Variants in RBFOX1 observed in about 807,000 individuals in gnomAD.
The protein encoded by RBFOX1 is RNA binding protein fox-1 homolog 1.
In RBFOX1, 8 loss-of-function variants were observed where a neutral mutation model predicts 57.7. The observed-to-expected ratio is 0.14, with a 90% confidence interval of 0.08 to 0.25. RBFOX1 has a LOEUF of 0.25. Ranked by LOEUF, RBFOX1 falls within the 10% of genes least tolerant of loss-of-function variation. The pLI, the probability that RBFOX1 is intolerant of heterozygous loss-of-function variation, is 1.00. For missense variants in RBFOX1, 611 were observed against 548.5 expected, an observed-to-expected ratio of 1.11 and a Z score of -1.14; for synonymous variants, 326 against 222.4, an observed-to-expected ratio of 1.47 and a Z score of -4.15.
At position 7,711,440 on chromosome 16, in the gene RBFOX1, C is replaced by T. The variant is rs1032491341; in HGVS notation, c.*695C>T. 2 of 152,186 alleles carry T rather than the reference C, an allele frequency of 1.3e-5. No individual in the cohort carries two copies. Among genetic ancestry groups the T allele is most frequent in the African/African-American group, 4.8e-5 (2 of 41,296 alleles). 9.4% of individuals were successfully genotyped at this position (152,186 alleles called of 1,614,324 possible). On this transcript the variant is annotated 3_prime_UTR_variant, in exon 16 of 16. Transcript: ENST00000550418. ...GGCAGTATTCAGCTTCTTAACCAGTCGCTATTTAGGAAAAAAAACCCACTA... is the reference window on the plus strand; with the variant it reads ...GGCAGTATTCAGCTTCTTAACCAGTTGCTATTTAGGAAAAAAAACCCACTA...
At chr16:7,448,439 A>G (rs8048763) in intron 4 of RBFOX1, among the ~76,000 whole-genome samples, 5,334 of 152,274 alleles carry the variant, frequency 0.035, 394 homozygotes, top group East Asian at 0.31. Flanking sequence ...CACGTTTTAC[A>G]TGGCGGCAGG....
chr16:6,350,737 A>G (rs1187150871), intron 2 of RBFOX1, among the ~76,000 whole-genome samples: 1 of 152,190 alleles, frequency 6.6e-6, no homozygotes, highest in Non-Finnish European at 1.5e-5. Context: ...CCTCATTAAC[A>G]ACACTAGGAG....
At chr16:6,401,443 G>A (rs2093064193) in intron 2 of RBFOX1, among the ~76,000 whole-genome samples, 1 of 152,174 alleles carries the variant, frequency 6.6e-6, no homozygotes, top group Non-Finnish European at 1.5e-5. Context: ...CTTCACTTAT[G>A]ATAACCTCAC....
At chr16:7,354,086 C>G (rs138750163) in intron 4 of RBFOX1, among the ~76,000 whole-genome samples, 24,625 of 152,060 alleles carry the variant, frequency 0.16, 2,943 homozygotes, top group African/African-American at 0.35. Flanking sequence ...ATTCTCCTGC[C>G]TCAGCCTCCT....
chr16:5,241,529 A>G (rs2062167012), intron 1 of RBFOX1, among the ~76,000 whole-genome samples: 1 of 152,202 alleles, frequency 6.6e-6, no homozygotes, highest in Non-Finnish European at 1.5e-5. Flanking sequence ...GGAGCCAGGC[A>G]GCTGGGGTTT....
intron 3 of RBFOX1, among the ~76,000 whole-genome samples, chr16:6,960,856 G>C (rs1011017955): frequency 6.6e-6 from 1 of 151,716 alleles, no homozygotes; most frequent in African/African-American, 2.4e-5. Flanking sequence ...CCTCAGGTCC[G>C]GGTGCAGTGG....
At chr16:7,234,608 G>GTGTGTA (rs1343433277) in intron 4 of RBFOX1, among the ~76,000 whole-genome samples, 3 of 149,408 alleles carry the variant, frequency 2.0e-5, no homozygotes, top group African/African-American at 7.4e-5. Context: ...GTGTGTGTGT[G>GTGTGTA]TATATATATG....
At chr16:5,628,752 G>C (rs545140502) in intron 3 of RBFOX1, among the ~76,000 whole-genome samples, 1 of 152,156 alleles carries the variant, frequency 6.6e-6, no homozygotes, top group African/African-American at 2.4e-5. Context: ...AAGTTCCAAG[G>C]GCAGGATTTT....
At chr16:6,603,806 C>T (rs963157357) in intron 2 of RBFOX1, among the ~76,000 whole-genome samples, 1 of 152,110 alleles carries the variant, frequency 6.6e-6, no homozygotes, top group Non-Finnish European at 1.5e-5. Flanking sequence ...TATTTCTCGT[C>T]CTGCTGTTTG....
intron 4 of RBFOX1, among the ~76,000 whole-genome samples, chr16:7,222,220 C>G (rs1019110345): frequency 6.6e-6 from 1 of 152,160 alleles, no homozygotes; most frequent in Non-Finnish European, 1.5e-5. Context: ...CACAAAGGGC[C>G]TTGCATTCTT....
intron 2 of RBFOX1, among the ~76,000 whole-genome samples, chr16:6,506,152 A>T (rs2096083093): frequency 6.6e-6 from 1 of 152,196 alleles, no homozygotes; most frequent in Non-Finnish European, 1.5e-5. Context: ...GAAACAGTTA[A>T]TTTAGAAGCG....
chr16:7,128,733 A>G (rs1049139802), intron 4 of RBFOX1, among the ~76,000 whole-genome samples: 4 of 152,122 alleles, frequency 2.6e-5, no homozygotes, highest in African/African-American at 9.7e-5. Flanking sequence ...GTTCATGGTC[A>G]TATCACAAAG....
intron 4 of RBFOX1, among the ~76,000 whole-genome samples, chr16:7,204,473 C>A (rs2089484524): frequency 6.6e-6 from 1 of 152,118 alleles, no homozygotes; most frequent in Admixed American, 6.5e-5. Context: ...AAGACATTGT[C>A]TCTATAAAAA....
intron 2 of RBFOX1, among the ~76,000 whole-genome samples, chr16:6,376,580 G>A (rs4366709): frequency 0.033 from 4,952 of 152,110 alleles, 259 homozygotes; most frequent in African/African-American, 0.11. Flanking sequence ...GTCTGTTCAC[G>A]TCACCTGTCC....
At chr16:5,466,568 G>A (rs913625591) in intron 1 of RBFOX1, among the ~76,000 whole-genome samples, 5 of 152,152 alleles carry the variant, frequency 3.3e-5, no homozygotes, top group African/African-American at 9.7e-5. Context: ...TTCAGGAGCT[G>A]GGGTGTTTTA....
intron 2 of RBFOX1, among the ~76,000 whole-genome samples, chr16:5,499,555 C>A (rs535775238): frequency 1.3e-5 from 2 of 151,972 alleles, no homozygotes; most frequent in Non-Finnish European, 2.9e-5. Flanking sequence ...GCAGGTTTTT[C>A]TTTTTCTTTT....
intron 4 of RBFOX1, among the ~76,000 whole-genome samples, chr16:7,443,174 G>A (rs964235399): frequency 2.0e-5 from 3 of 152,026 alleles, no homozygotes; most frequent in Non-Finnish European, 2.9e-5. Flanking sequence ...TTCTAGGATC[G>A]CGTGGTACAG....
intron 4 of RBFOX1, among the ~76,000 whole-genome samples, chr16:7,330,303 G>T (rs2096667613): frequency 6.6e-6 from 1 of 151,328 alleles, no homozygotes; most frequent in South Asian, 2.1e-4. Flanking sequence ...CAATGTAAAT[G>T]CTGTGTAAAT....
intron 3 of RBFOX1, among the ~76,000 whole-genome samples, chr16:5,691,293 T>G (rs1356460186): frequency 6.6e-6 from 1 of 152,198 alleles, no homozygotes; most frequent in Non-Finnish European, 1.5e-5. Flanking sequence ...AAACATTGTA[T>G]GCGGTACATA....
Sources: allele counts gnomAD v4.1 joint callset (sites outside exome capture counted in the v4.1 genomes callset), GRCh38; gene constraint gnomAD v4.1.1; transcripts MANE v1.5; gene names NCBI Gene and HGNC (gene_info 2026-07-23, HGNC 2026-07-21).